TBC1D22A: variants seen among roughly 807,000 people sequenced by gnomAD.
The protein encoded by TBC1D22A is TBC1 domain family member 22A, also known as putative GTPase activator.
A neutral mutation model predicts 60.2 loss-of-function variants in TBC1D22A; 38 were observed. The observed-to-expected ratio is 0.63, with a 90% CI of 0.49 to 0.83. The LOEUF is 0.83. TBC1D22A is among the 40% of genes least tolerant of loss of function. The probability of loss-of-function intolerance (pLI) is 0.00; values close to 1 mark genes in which losing one functional copy is unlikely to be tolerated. For missense variants in TBC1D22A, 628 were observed against 701.0 expected, an observed-to-expected ratio of 0.90 and a Z score of 1.18; for synonymous variants, 302 against 281.7, an observed-to-expected ratio of 1.07 and a Z score of -0.72.
At chr22:46,904,145 A>ATCTACCTATCTATCTATCTG (rs1555937547) in intron 7 of TBC1D22A, among the ~76,000 whole-genome samples, 1 of 75,484 alleles carries the variant, frequency 1.3e-5, no homozygotes, top group African/African-American at 4.9e-5. Context: ...CTATCTATCT[A>ATCTACCTATCTATCTATCTG]CCTACCTACC....
At chr22:47,109,997 A>T (rs944615311) in intron 11 of TBC1D22A, among the ~76,000 whole-genome samples, 2 of 151,628 alleles carry the variant, frequency 1.3e-5, no homozygotes, top group African/African-American at 4.9e-5. Flanking sequence ...TGAAGCCTGC[A>T]TTTTTCCCTG....
intron 11 of TBC1D22A, among the ~76,000 whole-genome samples, chr22:47,040,774 A>G (rs937035920): frequency 6.6e-6 from 1 of 152,212 alleles, no homozygotes; most frequent in Non-Finnish European, 1.5e-5. Context: ...CTGACAGGAC[A>G]TTCAAAGCCA....
At chr22:47,169,694 G>A (rs1331982662) in intron 12 of TBC1D22A, among the ~76,000 whole-genome samples, 3 of 152,226 alleles carry the variant, frequency 2.0e-5, no homozygotes, top group African/African-American at 7.2e-5. Context: ...TTGTTGAGAT[G>A]GTGGTGCCCC....
intron 4 of TBC1D22A, 113 bp downstream of exon 4, chr22:46,797,733 T>C (rs902237234): frequency 3.4e-5 from 39 of 1,130,640 alleles, no homozygotes; most frequent in Non-Finnish European, 3.6e-6. Flanking sequence ...CGTCCGTGTG[T>C]AATTTGCCTT....
chr22:47,009,358 TCAC>T lies in TBC1D22A; in HGVS notation c.1201+11652_1201+11654del, dbSNP rs1181803769. The stretch of plus-strand genomic sequence containing the variant: ...CATTATGTCATCACCACCATCATCA[TCAC>T]CATCACCATCATCATTTCATCACCA... On this transcript the variant is annotated intron_variant, in intron 10 of 12. Coordinates refer to ENST00000337137, the MANE Select transcript of TBC1D22A (RefSeq NM_014346.5). The surrounding 1 kb of genome is among the most constrained non-coding windows in gnomAD (Gnocchi z 5.8). Among the ~76,000 whole-genome samples the T allele has an allele frequency of 2.6e-5, 4 of 151,574 alleles. No individual in the cohort carries two copies. Among genetic ancestry groups the T allele is most frequent in the Admixed American group, 6.6e-5 (1 of 15,236 alleles).
chr22:47,081,108 G>A lies in TBC1D22A; in HGVS notation c.1330-30400G>A, dbSNP rs950049293. On this transcript the variant is annotated intron_variant, in intron 11 of 12. Transcript: ENST00000337137. ...GCACTCCAGCCTGGGCAACAAGAGC[G>A]AAACTCCGTCTCAAAAAAAAAAAAA... Among the ~76,000 whole-genome samples, 155 of 100,450 alleles carry A rather than the reference G, an allele frequency of 1.5e-3. 1 individual carries two copies. Among genetic ancestry groups the A allele is most frequent in the African/African-American group, 5.7e-3 (145 of 25,616 alleles). 65.9% of individuals were successfully genotyped at this position (100,450 alleles called of 152,430 possible).
At chr22:46,884,982 A>G (rs953088376) in intron 5 of TBC1D22A, among the ~76,000 whole-genome samples, 3 of 152,198 alleles carry the variant, frequency 2.0e-5, no homozygotes, top group Non-Finnish European at 4.4e-5. Flanking sequence ...TATGCTGGGC[A>G]TGATTAGAAG....
At chr22:46,939,550 CAA>C (rs1202388133) in intron 8 of TBC1D22A, among the ~76,000 whole-genome samples, 2 of 152,148 alleles carry the variant, frequency 1.3e-5, no homozygotes, top group East Asian at 1.9e-4. Flanking sequence ...TAAAAGCAAT[CAA>C]GAGATAATTG....
At chr22:46,955,124 T>A (rs2073119335) in intron 8 of TBC1D22A, among the ~76,000 whole-genome samples, 1 of 152,192 alleles carries the variant, frequency 6.6e-6, no homozygotes, top group African/African-American at 2.4e-5. Flanking sequence ...TGTGGGGTCA[T>A]TATGTGGTGG....
At chr22:47,129,822 G>A (rs1333407082) in intron 12 of TBC1D22A, among the ~76,000 whole-genome samples, 1 of 152,226 alleles carries the variant, frequency 6.6e-6, no homozygotes, top group Non-Finnish European at 1.5e-5. Context: ...TCCTCACACC[G>A]CCAGAGGCGC....
intron 8 of TBC1D22A, among the ~76,000 whole-genome samples, chr22:46,965,588 T>C (rs73186534): frequency 0.034 from 5,163 of 152,368 alleles, 116 homozygotes; most frequent in South Asian, 0.064. Context: ...GTCTGTTTCT[T>C]GTTACTTGTG....
At chr22:46,979,220 C>A (rs1419660755) in intron 9 of TBC1D22A, among the ~76,000 whole-genome samples, 1 of 152,034 alleles carries the variant, frequency 6.6e-6, no homozygotes, top group African/African-American at 2.4e-5. Flanking sequence ...AGTATATTAC[C>A]ACCGTCTCAT....
intron 8 of TBC1D22A, among the ~76,000 whole-genome samples, chr22:46,929,851 G>C (rs2071255344): frequency 6.6e-6 from 1 of 152,130 alleles, no homozygotes; most frequent in East Asian, 1.9e-4. Context: ...GCAAGCATGT[G>C]CCCAACGGTC....
intron 7 of TBC1D22A, among the ~76,000 whole-genome samples, chr22:46,902,947 G>T (rs189636274): frequency 6.6e-6 from 1 of 151,080 alleles, no homozygotes; most frequent in Non-Finnish European, 1.5e-5. Flanking sequence ...CTGCATTCCA[G>T]GGTGGCTGAA....
chr22:46,871,170 A>G (rs1409008602), intron 4 of TBC1D22A, among the ~76,000 whole-genome samples: 3 of 152,248 alleles, frequency 2.0e-5, no homozygotes, highest in Admixed American at 6.5e-5. Context: ...CCTTAAGTAG[A>G]GAGATGAGTC....
chr22:46,762,786 C>T lies in TBC1D22A; in HGVS notation c.-1C>T, dbSNP rs2083143547. 2 of 1,448,218 alleles carry T rather than the reference C, an allele frequency of 1.4e-6. No individual in the cohort carries two copies. Among genetic ancestry groups the T allele is most frequent in the African/African-American group, 3.0e-5 (2 of 66,122 alleles). 89.7% of individuals were successfully genotyped at this position (1,448,218 alleles called of 1,614,324 possible). ...GCGGGTCTGAGGGATGAGGAGGGGC[C>T]ATGGCCAGCGACGGGGCCAGGAAGC... On this transcript the variant is annotated 5_prime_UTR_variant, in exon 1 of 13. Coordinates refer to ENST00000337137, the MANE Select transcript of TBC1D22A (RefSeq NM_014346.5).
intron 7 of TBC1D22A, among the ~76,000 whole-genome samples, chr22:46,895,903 T>C (rs1169096320): frequency 6.6e-6 from 1 of 152,152 alleles, no homozygotes; most frequent in Non-Finnish European, 1.5e-5. Flanking sequence ...ATTGCATCAT[T>C]GGGTGTGGTG....
intron 8 of TBC1D22A, among the ~76,000 whole-genome samples, chr22:46,967,584 AC>A (rs2073862778): frequency 6.6e-6 from 1 of 152,184 alleles, no homozygotes; most frequent in Non-Finnish European, 1.5e-5. Context: ...GCTGGCTCTT[AC>A]CGACAGCGTT....
At chr22:46,973,525 C>G (rs184142660) in intron 8 of TBC1D22A, among the ~76,000 whole-genome samples, 4 of 152,070 alleles carry the variant, frequency 2.6e-5, no homozygotes, top group African/African-American at 4.8e-5. Context: ...TCTTAAAGAA[C>G]GTTTTCCTTG....
Sources: gnomAD v4.1 joint callset for allele counts (sites outside exome capture counted in the v4.1 genomes callset) on GRCh38, gnomAD v4.1.1 for gene constraint, Gnocchi (gnomAD v3.1) non-coding constraint, MANE v1.5 for transcripts, NCBI Gene and HGNC (gene_info 2026-07-23, HGNC 2026-07-21) for gene names.